Variants in MTUS2 observed in about 807,000 individuals in gnomAD.
The protein encoded by MTUS2 is microtubule associated scaffold protein 2.
A neutral mutation model predicts 114.1 loss-of-function variants in MTUS2; 40 were observed. That is an observed-to-expected ratio of 0.35 (90% CI 0.27 to 0.46). The LOEUF is 0.46. Ranked by LOEUF, MTUS2 falls within the 20% of genes least tolerant of loss-of-function variation. The probability of loss-of-function intolerance (pLI) is 1.00; values close to 1 mark genes in which losing one functional copy is unlikely to be tolerated. For synonymous variants in MTUS2, 688 were observed against 672.0 expected (o/e 1.02, Z -0.37); for missense variants, 1,679 against 1,705.4 (o/e 0.98, Z 0.27).
At chr13:28,919,225 C>T (rs1050405710) in intron 2 of MTUS2, among the ~76,000 whole-genome samples, 10 of 152,060 alleles carry the variant, frequency 6.6e-5, no homozygotes, top group African/African-American at 1.9e-4. Flanking sequence ...GATTGAATAA[C>T]CCCCTTTAGC....
At chr13:28,820,984 A>G (rs1379746284) in intron 1 of MTUS2, among the ~76,000 whole-genome samples, 1 of 151,980 alleles carries the variant, frequency 6.6e-6, no homozygotes, top group Non-Finnish European at 1.5e-5. Context: ...ATGGTAAAGC[A>G]GTGAAGCGGC....
chr13:29,473,673 A>C (rs1880483586), intron 9 of MTUS2, among the ~76,000 whole-genome samples: 1 of 152,202 alleles, frequency 6.6e-6, no homozygotes, highest in South Asian at 2.1e-4. Context: ...CAGTTATTTA[A>C]AACTGTACAA....
At chr13:29,223,639 G>A (rs1027013227) in intron 5 of MTUS2, among the ~76,000 whole-genome samples, 2 of 152,184 alleles carry the variant, frequency 1.3e-5, no homozygotes, top group African/African-American at 4.8e-5. Flanking sequence ...ATTCTTCCTG[G>A]ACATGGGACA....
At chr13:28,999,803 C>T (rs1030522899) in intron 2 of MTUS2, among the ~76,000 whole-genome samples, 4 of 152,170 alleles carry the variant, frequency 2.6e-5, no homozygotes, top group Admixed American at 6.5e-5. Flanking sequence ...CTCTGGTAAC[C>T]ACTATTTTAC....
chr13:29,418,123 G>A (rs930658398), intron 8 of MTUS2, among the ~76,000 whole-genome samples: 1 of 152,110 alleles, frequency 6.6e-6, no homozygotes, highest in East Asian at 1.9e-4. Context: ...CAATGTTTGG[G>A]GTCTCGGGCA....
chr13:29,495,827 T>C (rs1310481075), intron 12 of MTUS2, among the ~76,000 whole-genome samples: 1 of 152,108 alleles, frequency 6.6e-6, no homozygotes, highest in Non-Finnish European at 1.5e-5. Context: ...GCCAAGATCA[T>C]ACCACTGCAC....
At chr13:29,072,006 C>G (rs1888963479) in intron 4 of MTUS2, 1 of 152,394 alleles carries the variant, frequency 6.6e-6, no homozygotes, top group Non-Finnish European at 1.5e-5. Context: ...TCCCTTGGAT[C>G]TGTATCTTGG....
At chr13:28,851,087 T>C (rs892029901) in intron 2 of MTUS2, among the ~76,000 whole-genome samples, 1 of 152,218 alleles carries the variant, frequency 6.6e-6, no homozygotes, top group Non-Finnish European at 1.5e-5. Flanking sequence ...TGAAGCTGTT[T>C]GTTCTGTGAG....
At chr13:29,045,238 T>A (rs1249526222) in intron 4 of MTUS2, among the ~76,000 whole-genome samples, 1 of 152,198 alleles carries the variant, frequency 6.6e-6, no homozygotes. Context: ...TACCATAGAT[T>A]GGGTGAGGCT....
chr13:29,235,016 A>C (rs1896479933), intron 5 of MTUS2, among the ~76,000 whole-genome samples: 1 of 152,132 alleles, frequency 6.6e-6, no homozygotes, highest in African/African-American at 2.4e-5. Context: ...TGATATTTTC[A>C]GTGGATTATT....
intron 2 of MTUS2, among the ~76,000 whole-genome samples, chr13:28,848,027 A>G (rs902211793): frequency 6.6e-6 from 1 of 152,162 alleles, no homozygotes; most frequent in East Asian, 1.9e-4. Flanking sequence ...CCGATTTCTT[A>G]GCAGGAATAT....
At chr13:29,049,814 G>A (rs1245404403) in intron 4 of MTUS2, among the ~76,000 whole-genome samples, 1 of 152,202 alleles carries the variant, frequency 6.6e-6, no homozygotes, top group East Asian at 1.9e-4. Flanking sequence ...GACATAACCT[G>A]CATCTTTACA....
chr13:29,372,037 A>G (rs1871239353), intron 8 of MTUS2, among the ~76,000 whole-genome samples: 1 of 134,642 alleles, frequency 7.4e-6, no homozygotes, highest in Non-Finnish European at 1.5e-5. Context: ...GGATGTGTTA[A>G]TTAGCTTGAT....
intron 4 of MTUS2, among the ~76,000 whole-genome samples, chr13:29,100,416 T>A (rs937536831): frequency 3.5e-4 from 54 of 152,250 alleles, no homozygotes; most frequent in African/African-American, 1.3e-3. Context: ...TTCACGAATC[T>A]GGGGTAACAT....
chr13:29,175,300 T>A (rs1231747361), intron 5 of MTUS2, among the ~76,000 whole-genome samples: 1 of 152,218 alleles, frequency 6.6e-6, no homozygotes, highest in Non-Finnish European at 1.5e-5. Flanking sequence ...TAAATATTTA[T>A]GGGTCATTAT....
At chr13:29,255,552 A>G (rs1240085705) in intron 5 of MTUS2, among the ~76,000 whole-genome samples, 1 of 152,246 alleles carries the variant, frequency 6.6e-6, no homozygotes, top group Non-Finnish European at 1.5e-5. Context: ...AACATACATA[A>G]GGACCAACTT....
chr13:29,305,596 G>T (rs1439232916), intron 6 of MTUS2, among the ~76,000 whole-genome samples: 1 of 152,020 alleles, frequency 6.6e-6, no homozygotes, highest in African/African-American at 2.4e-5. Flanking sequence ...GGAAGAAATT[G>T]AATCCCTGAA....
chr13:29,393,468 C>T (rs577914379), intron 8 of MTUS2, among the ~76,000 whole-genome samples: 50 of 152,280 alleles, frequency 3.3e-4, no homozygotes, highest in African/African-American at 1.1e-3. Context: ...ACCTGGCTGG[C>T]TGTTCTCTTG....
At chr13:29,307,600 G>A in intron 6 of MTUS2, 3 of 1,184,354 alleles carry the variant, frequency 2.5e-6, no homozygotes, top group South Asian at 2.4e-5. Context: ...GGGCATCCTG[G>A]GCTACACTGA....
Sources: gnomAD v4.1 joint callset for allele counts (sites outside exome capture counted in the v4.1 genomes callset) on GRCh38, gnomAD v4.1.1 for gene constraint, MANE v1.5 for transcripts, NCBI Gene and HGNC (gene_info 2026-07-23, HGNC 2026-07-21) for gene names.